The following FRAS1 variants were observed in gnomAD, a reference collection of about 807,000 sequenced individuals.
The protein encoded by FRAS1 is extracellular matrix organizing protein FRAS1.
FRAS1 carries 290 observed loss-of-function variants against 435.2 expected under a neutral mutation model. That is an observed-to-expected ratio of 0.67 (90% CI 0.61 to 0.73). The LOEUF is 0.73. FRAS1 is among the 30% of genes least tolerant of loss of function. The pLI is 0.00. For missense variants in FRAS1, 4,860 were observed against 5,001.5 expected, an observed-to-expected ratio of 0.97 and a Z score of 0.85; for synonymous variants, 1,800 against 1,851.0, an observed-to-expected ratio of 0.97 and a Z score of 0.71.
intron 58 of FRAS1, among the ~76,000 whole-genome samples, chr4:78,488,438 T>C (rs901483399): frequency 3.3e-5 from 5 of 152,158 alleles, no homozygotes; most frequent in African/African-American, 1.2e-4. Flanking sequence ...CCAATGTGAG[T>C]GGCCATTTAG....
Position 78,236,186 on chromosome 4 carries a change from A to G in FRAS1, c.109-1324A>G, listed in dbSNP as rs76948557. Among the ~76,000 whole-genome samples, 405 of 152,244 alleles carry G rather than the reference A, an allele frequency of 2.7e-3. 3 individuals are homozygous for G. The highest frequency in any genetic ancestry group is 9.4e-3 in the African/African-American group (389 of 41,546). On this transcript the variant is annotated intron_variant, in intron 2 of 73. Coordinates refer to ENST00000512123, the MANE Select transcript of FRAS1 (RefSeq NM_025074.7). Reference sequence around the variant, plus strand: ...AAAGAGGAGGCTGGGGTTGTCCAATAGTGTTGACCAAGTTGTCAAGGCCAG... The same window carrying G: ...AAAGAGGAGGCTGGGGTTGTCCAATGGTGTTGACCAAGTTGTCAAGGCCAG...
chr4:78,431,243 G>A (rs1734208391), intron 37 of FRAS1, among the ~76,000 whole-genome samples: 1 of 152,174 alleles, frequency 6.6e-6, no homozygotes, highest in Non-Finnish European at 1.5e-5. Context: ...AGTCACAAAG[G>A]TAGACTCAAA....
Position 78,300,467 on chromosome 4 carries a change from G to A in FRAS1, c.1535-7599G>A, listed in dbSNP as rs143381355. 5.7e-3 allele frequency among the ~76,000 whole-genome samples: 873 copies of A among 152,238 alleles called. 9 individuals carry two copies. Among genetic ancestry groups the A allele is most frequent in the African/African-American group, 0.02 (823 of 41,538 alleles). On this transcript the variant is annotated intron_variant, in intron 14 of 73. Transcript: ENST00000512123. The stretch of plus-strand genomic sequence containing the variant: ...TTACGGTCTCACAAGGGAACCAGAT[G>A]ATAAATAAGGAAACTTTCCTTTGTC...
intron 70 of FRAS1, among the ~76,000 whole-genome samples, chr4:78,528,018 A>T (rs1279996213): frequency 1.3e-5 from 2 of 152,108 alleles, no homozygotes; most frequent in Non-Finnish European, 2.9e-5. Flanking sequence ...AATCAATGGA[A>T]GCAGGTGAAA....
chr4:78,307,465 T>C (rs917175331), intron 14 of FRAS1, among the ~76,000 whole-genome samples: 32 of 152,314 alleles, frequency 2.1e-4, no homozygotes, highest in East Asian at 1.9e-4. Flanking sequence ...CCCCCAGCCT[T>C]GCTGCCGCCT....
At chr4:78,199,517 C>A (rs150730082) in intron 2 of FRAS1, among the ~76,000 whole-genome samples, 35 of 152,280 alleles carry the variant, frequency 2.3e-4, no homozygotes, top group African/African-American at 8.4e-4. Flanking sequence ...AGCATGAAAG[C>A]AATTTTTCCA....
intron 38 of FRAS1, among the ~76,000 whole-genome samples, chr4:78,435,269 A>G (rs1263176143): frequency 1.3e-5 from 2 of 152,170 alleles, no homozygotes; most frequent in African/African-American, 4.8e-5. Context: ...CTTTCTCAAA[A>G]ACAAACAAAC....
chr4:78,301,943 C>T (rs532393474), intron 14 of FRAS1, among the ~76,000 whole-genome samples: 3 of 145,136 alleles, frequency 2.1e-5, no homozygotes, highest in East Asian at 2.1e-4. Flanking sequence ...AATGCTGGTG[C>T]GCTGCACCCT....
intron 2 of FRAS1, chr4:78,071,954 T>C (rs1251480476): frequency 6.6e-6 from 1 of 152,168 alleles, no homozygotes; most frequent in African/African-American, 2.4e-5. Context: ...TGTTTGTTTA[T>C]ATAATTTGAA....
chr4:78,295,776 A>T (rs1426799327), intron 14 of FRAS1, among the ~76,000 whole-genome samples: 1 of 144,142 alleles, frequency 6.9e-6, no homozygotes, highest in African/African-American at 2.6e-5. Flanking sequence ...ATGGAGTCTC[A>T]CTCTGTCACC....
intron 2 of FRAS1, among the ~76,000 whole-genome samples, chr4:78,184,837 C>T (rs1722203533): frequency 6.6e-6 from 1 of 152,220 alleles, no homozygotes; most frequent in African/African-American, 2.4e-5. Flanking sequence ...ATTTTGTTAA[C>T]ATCTGTGAAA....
In FRAS1 at chr4:78,540,548, G is replaced by A; in HGVS notation, c.11463G>A (p.Gln3821=). The change falls in exon 74 of 74, where the codon CAG becomes CAA. Residue 3821 remains glutamine (Q), a synonymous_variant. Transcript: ENST00000512123. ...CCCTGCAGGTGGAAGCAGGACACCA[G>A]TGGTATCTCCAGGTCATCTACATCA... ...DALYKVEAGH[Q]WYLQVIYIIG... 6.7e-7 allele frequency: 1 copy of A among 1,500,974 alleles called. No homozygotes were observed. Among genetic ancestry groups the A allele is most frequent in the South Asian group, 1.4e-5 (1 of 69,920 alleles). The allele number at this position is 1,500,974 out of a possible 1,614,324, so 93.0% of individuals were successfully genotyped here. A position where few individuals can be genotyped will look rare whatever the true frequency, so the allele number is the denominator to read the frequency against.
At chr4:78,432,921 CA>C (rs970606517) in intron 38 of FRAS1, among the ~76,000 whole-genome samples, 2 of 152,122 alleles carry the variant, frequency 1.3e-5, no homozygotes, top group African/African-American at 4.8e-5. Flanking sequence ...ATTATATTCC[CA>C]ATGGGAAGTT....
chr4:78,103,519 T>G (rs1324513548), intron 2 of FRAS1, among the ~76,000 whole-genome samples: 6 of 152,172 alleles, frequency 3.9e-5, no homozygotes, highest in Admixed American at 2.6e-4. Context: ...GGTAATGTAT[T>G]ATAGTTTGCT....
chr4:78,137,869 G>T (rs1341561133), intron 2 of FRAS1, among the ~76,000 whole-genome samples: 2 of 152,224 alleles, frequency 1.3e-5, no homozygotes, highest in Non-Finnish European at 2.9e-5. Flanking sequence ...TTAACATGGA[G>T]CTTGCCAGAT....
At position 78,282,983 on chromosome 4, in the gene FRAS1, C is replaced by T. The variant is rs752022885; in HGVS notation, c.1255+16C>T. 2.8e-6 allele frequency: 4 copies of T among 1,451,968 alleles called. No homozygotes were observed. In the South Asian group the frequency reaches 6.4e-5, roughly 23 times the overall value. 89.9% of individuals were successfully genotyped at this position (1,451,968 alleles called of 1,614,324 possible). ...TGCACATCAGGTGGGTCCATGTCTC[C>T]TCTGTTTCTACTGAGATAGTTTTAC... is the stretch of plus-strand genomic sequence containing the variant. On this transcript the variant is annotated intron_variant, in intron 12 of 73. Transcript: ENST00000512123.
At chr4:78,240,296 G>GA (rs1724945784) in intron 3 of FRAS1, among the ~76,000 whole-genome samples, 1 of 152,242 alleles carries the variant, frequency 6.6e-6, no homozygotes, top group South Asian at 2.1e-4. Context: ...TCAGTTCAGA[G>GA]GCTGAGAGAA....
At chr4:78,099,379 C>T (rs1208175975) in intron 2 of FRAS1, among the ~76,000 whole-genome samples, 3 of 152,210 alleles carry the variant, frequency 2.0e-5, no homozygotes, top group Admixed American at 1.3e-4. Context: ...GGAGTGACAG[C>T]AGGCTCTCTG....
At position 78,099,028 on chromosome 4, in the gene FRAS1, T is replaced by C. The variant is rs567224779; in HGVS notation, c.108+33012T>C. 2.5e-4 allele frequency among the ~76,000 whole-genome samples: 38 copies of C among 152,342 alleles called. 1 individual carries two copies. In the South Asian group the frequency reaches 5.2e-3, roughly 21 times the overall value. ...CCCAAAATCAGCCTGTTGTACTTTTTACAACTTCCTCTCTGTTTCCAATTC... is the reference window on the plus strand; with the variant it reads ...CCCAAAATCAGCCTGTTGTACTTTTCACAACTTCCTCTCTGTTTCCAATTC... On this transcript the variant is annotated intron_variant, in intron 2 of 73. Coordinates refer to ENST00000512123, the MANE Select transcript of FRAS1 (RefSeq NM_025074.7).
Sources: gnomAD v4.1 joint callset for allele counts (sites outside exome capture counted in the v4.1 genomes callset) on GRCh38, gnomAD v4.1.1 for gene constraint, MANE v1.5 for transcripts, NCBI Gene and HGNC (gene_info 2026-07-23, HGNC 2026-07-21) for gene names.